Variants in DPF3 observed in about 807,000 individuals in gnomAD.
DPF3 encodes zinc finger protein DPF3.
In DPF3, 18 loss-of-function variants were observed where a neutral mutation model predicts 56.8. The ratio of observed to expected loss-of-function variants is 0.32; its 90% confidence interval spans 0.22 to 0.47. The LOEUF is 0.47. Among genes scored for constraint, DPF3 ranks in the 20% least tolerant of loss-of-function variants. The pLI is 1.00. For missense variants in DPF3, 403 were observed against 488.8 expected (o/e 0.82, Z 1.65); for synonymous variants, 188 against 180.2 (o/e 1.04, Z -0.35).
At chr14:72,701,278 C>T (rs1888149609) in intron 6 of DPF3, among the ~76,000 whole-genome samples, 1 of 152,162 alleles carries the variant, frequency 6.6e-6, no homozygotes. Flanking sequence ...AAGCGTGCAC[C>T]TGGATTTTGT....
At chr14:72,740,039 G>A (rs1189098403) in intron 3 of DPF3, among the ~76,000 whole-genome samples, 1 of 152,028 alleles carries the variant, frequency 6.6e-6, no homozygotes, top group East Asian at 1.9e-4. Flanking sequence ...TTTAAATGTG[G>A]CCAGGAAAGT....
chr14:72,863,810 A>G (rs1885551592), intron 1 of DPF3, among the ~76,000 whole-genome samples: 1 of 152,158 alleles, frequency 6.6e-6, no homozygotes, highest in South Asian at 2.1e-4. Context: ...CACTGTGCAA[A>G]TGTTCTGCTG....
At chr14:72,621,679 G>A (rs1371178745) in intron 9 of DPF3, among the ~76,000 whole-genome samples, 1 of 152,172 alleles carries the variant, frequency 6.6e-6, no homozygotes, top group Non-Finnish European at 1.5e-5. Context: ...GAGGCCCGGG[G>A]ACCAGTTAGG....
intron 8 of DPF3, chr14:72,662,528 G>A (rs1886260075): frequency 1.0e-6 from 1 of 985,090 alleles, no homozygotes; most frequent in Admixed American, 6.2e-5. Context: ...AGGCGGACCT[G>A]GGTACTTTCT....
chr14:72,796,171 T>G (rs1892639378), intron 1 of DPF3, among the ~76,000 whole-genome samples: 1 of 152,200 alleles, frequency 6.6e-6, no homozygotes, highest in Admixed American at 6.5e-5. Flanking sequence ...TGGGTGACTT[T>G]AAGAAAGTAT....
At chr14:72,769,142 A>T (rs1208751693) in intron 2 of DPF3, among the ~76,000 whole-genome samples, 1 of 152,186 alleles carries the variant, frequency 6.6e-6, no homozygotes, top group Non-Finnish European at 1.5e-5. Flanking sequence ...AAAAAGAAAA[A>T]AACAAATGAA....
intron 8 of DPF3, among the ~76,000 whole-genome samples, chr14:72,643,237 GT>G (rs1183723460): frequency 6.6e-6 from 1 of 152,202 alleles, no homozygotes; most frequent in Admixed American, 6.5e-5. Flanking sequence ...TGCATAAGAA[GT>G]TTGCCAGGGC....
intron 1 of DPF3, among the ~76,000 whole-genome samples, chr14:72,864,671 C>CAGAT (rs1885591038): frequency 1.3e-5 from 2 of 151,050 alleles, no homozygotes; most frequent in South Asian, 2.1e-4. Flanking sequence ...CAGTAATTAG[C>CAGAT]GGATGGATGG....
At chr14:72,760,460 C>CA (rs992429394) in intron 2 of DPF3, among the ~76,000 whole-genome samples, 1 of 152,188 alleles carries the variant, frequency 6.6e-6, no homozygotes, top group African/African-American at 2.4e-5. Flanking sequence ...CGCACCATCT[C>CA]AAAATCCTTA....
intron 2 of DPF3, among the ~76,000 whole-genome samples, chr14:72,753,709 T>A (rs1890673018): frequency 6.6e-6 from 1 of 152,142 alleles, no homozygotes; most frequent in South Asian, 2.1e-4. Flanking sequence ...AAGCAGTGGA[T>A]CTCTATCCAC....
chr14:72,875,799 G>C (rs1294220650), intron 1 of DPF3, among the ~76,000 whole-genome samples: 2 of 152,164 alleles, frequency 1.3e-5, no homozygotes, highest in Non-Finnish European at 2.9e-5. Flanking sequence ...CAGGTAGACA[G>C]CTGCAGCAGT....
intron 1 of DPF3, among the ~76,000 whole-genome samples, chr14:72,849,553 A>G (rs1884890596): frequency 1.3e-5 from 2 of 152,170 alleles, no homozygotes; most frequent in South Asian, 4.1e-4. Context: ...AAAGCCGGCA[A>G]GGTCCAGACC....
At position 72,772,396 on chromosome 14, in the gene DPF3, A is replaced by G. The variant is rs987532206; in HGVS notation, c.33-503T>C. Among the ~76,000 whole-genome samples, 6 of 152,252 alleles carry G rather than the reference A, an allele frequency of 3.9e-5. No individual in the cohort carries two copies. The East Asian group carries it at 1.2e-3, about 29-fold the overall frequency. On this transcript the variant is annotated intron_variant, in intron 1 of 10. Transcript: ENST00000556509. ...ACAACAGAAGAGAAACACTCCATAT[A>G]AACAAAAACTAGGACAGAAAAAACA...
rs762501809 is a variant in DPF3 at position 72,671,281 on chromosome 14, G to A, written c.871+2959C>T. 3.5e-5 allele frequency: 56 copies of A among 1,613,982 alleles called. No homozygotes were observed. The highest frequency in any genetic ancestry group is 3.0e-4 in the Admixed American group (18 of 60,028). On this transcript the variant is annotated intron_variant, in intron 8 of 10. Coordinates refer to ENST00000556509, the MANE Select transcript of DPF3 (RefSeq NM_001280542.3). ...TGACGTGGAACCGAATAAGTCCTCC[G>A]TGGTACGTGCTGCGGCCGCTGCCTC...
chr14:72,868,472 A>G (rs1885767344), intron 1 of DPF3, among the ~76,000 whole-genome samples: 1 of 152,230 alleles, frequency 6.6e-6, no homozygotes, highest in Non-Finnish European at 1.5e-5. Flanking sequence ...TTTCCAGGAC[A>G]TGAAAATCCG....
In DPF3 at chr14:72,818,776, T is replaced by C. The variant is rs188816710; in HGVS notation, c.33-46883A>G. Among the ~76,000 whole-genome samples, 751 of 152,370 alleles carry C rather than the reference T, an allele frequency of 4.9e-3. 4 individuals carry two copies. Among genetic ancestry groups the C allele is most frequent in the Non-Finnish European group, 7.8e-3 (530 of 68,032 alleles). On this transcript the variant is annotated intron_variant, in intron 1 of 10. Transcript: ENST00000556509. Reference sequence around the variant, plus strand: ...TCACACCACTAAATACTCAACATGATTCCAATGGCATCTTTTATGTTACGT... The same window carrying C: ...TCACACCACTAAATACTCAACATGACTCCAATGGCATCTTTTATGTTACGT...
At chr14:72,861,268 A>G (rs1338352815) in intron 1 of DPF3, among the ~76,000 whole-genome samples, 1 of 152,210 alleles carries the variant, frequency 6.6e-6, no homozygotes, top group Non-Finnish European at 1.5e-5. Flanking sequence ...AGCTCTATTC[A>G]GAACTGTGAC....
intron 1 of DPF3, among the ~76,000 whole-genome samples, chr14:72,844,082 T>C (rs1316142481): frequency 2.0e-5 from 3 of 152,224 alleles, no homozygotes; most frequent in Admixed American, 6.5e-5. Flanking sequence ...GCATTTCTTA[T>C]GCCCGTACTA....
intron 1 of DPF3, among the ~76,000 whole-genome samples, chr14:72,849,132 C>T (rs72732413): frequency 0.084 from 12,818 of 152,282 alleles, 750 homozygotes; most frequent in South Asian, 0.18. Context: ...TAAACTTACT[C>T]TCTTCATAAC....
Sources: gnomAD v4.1 joint callset for allele counts (sites outside exome capture counted in the v4.1 genomes callset) on GRCh38, gnomAD v4.1.1 for gene constraint, MANE v1.5 for transcripts, NCBI Gene and HGNC (gene_info 2026-07-23, HGNC 2026-07-21) for gene names.